CLSTN2: variants seen among roughly 807,000 people sequenced by gnomAD.
CLSTN2 encodes the protein calsyntenin 2.
CLSTN2 carries 48 observed loss-of-function variants against 101.2 expected under a neutral mutation model. That is an observed-to-expected ratio of 0.47 (90% CI 0.38 to 0.60). CLSTN2 has a LOEUF of 0.60. CLSTN2 is among the 20% of genes least tolerant of loss of function. The pLI is 0.00. For synonymous variants in CLSTN2, 481 were observed against 463.6 expected, an observed-to-expected ratio of 1.04 and a Z score of -0.48; for missense variants, 1,160 against 1,238.2, an observed-to-expected ratio of 0.94 and a Z score of 0.95.
At chr3:140,135,115 CACATATATATATATATAT>C (rs1471611157) in intron 1 of CLSTN2, among the ~76,000 whole-genome samples, 28 of 52,056 alleles carry the variant, frequency 5.4e-4, no homozygotes, top group African/African-American at 2.7e-3. Context: ...CACACACACA[CACATATATATATATATAT>C]ATATATATAT....
chr3:140,393,073 G>A (rs914705540), intron 2 of CLSTN2, among the ~76,000 whole-genome samples: 2 of 152,114 alleles, frequency 1.3e-5, no homozygotes, highest in African/African-American at 4.8e-5. Context: ...AATTAGCAGA[G>A]CCCTCCCGAC....
chr3:140,475,284 C>T (rs1281966355), intron 8 of CLSTN2, among the ~76,000 whole-genome samples: 1 of 151,984 alleles, frequency 6.6e-6, no homozygotes, highest in African/African-American at 2.4e-5. Context: ...TCAGTGTTGC[C>T]CAATGTTGAT....
chr3:140,314,774 C>T (rs1297044528), intron 2 of CLSTN2, among the ~76,000 whole-genome samples: 2 of 152,096 alleles, frequency 1.3e-5, no homozygotes, highest in Non-Finnish European at 2.9e-5. Context: ...ATGGTTCCCA[C>T]CCCTCCCTAT....
At chr3:139,947,477 C>A (rs1935231757) in intron 1 of CLSTN2, among the ~76,000 whole-genome samples, 1 of 152,136 alleles carries the variant, frequency 6.6e-6, no homozygotes, top group South Asian at 2.1e-4. Context: ...CACAAAGATG[C>A]TGGAGAGTGA....
rs2087909924 is a variant in CLSTN2, at chr3:140,375,671, G to A, written c.233-27958G>A. 1.3e-5 allele frequency among the ~76,000 whole-genome samples: 2 copies of A among 151,918 alleles called. 1 individual carries two copies. Among genetic ancestry groups the A allele is most frequent in the South Asian group, 4.2e-4 (2 of 4,804 alleles). ...TTACCCATGGCTTATATTTTATCTG[G>A]TCCTCTCATCACGTTCAACTTTTAT... On this transcript the variant is annotated intron_variant, in intron 2 of 16. Coordinates refer to ENST00000458420, the MANE Select transcript of CLSTN2 (RefSeq NM_022131.3).
At position 140,484,521 on chromosome 3, in the gene CLSTN2, G is replaced by A. The variant is rs538211300; in HGVS notation, c.1344+17790G>A. ...TTTGAATGTTGGCCTGCCTTGCTAGGTTGGGGAAGTTCTCCTGGATAATAT... is the reference window on the plus strand; with the variant it reads ...TTTGAATGTTGGCCTGCCTTGCTAGATTGGGGAAGTTCTCCTGGATAATAT... On this transcript the variant is annotated intron_variant, in intron 8 of 16. Transcript: ENST00000458420. Among the ~76,000 whole-genome samples the A allele has an allele frequency of 3.9e-3, 588 of 152,262 alleles. 3 individuals carry two copies. The highest frequency in any genetic ancestry group is 0.014 in the African/African-American group (562 of 41,532).
At chr3:140,033,098 T>C (rs1308042711) in intron 1 of CLSTN2, among the ~76,000 whole-genome samples, 2 of 152,230 alleles carry the variant, frequency 1.3e-5, no homozygotes, top group African/African-American at 2.4e-5. Context: ...ACTCGCTTCA[T>C]AGAGTTGTTG....
intron 2 of CLSTN2, among the ~76,000 whole-genome samples, chr3:140,339,034 C>A (rs532793024): frequency 6.6e-6 from 1 of 152,216 alleles, no homozygotes; most frequent in Non-Finnish European, 1.5e-5. Flanking sequence ...CGCAGTGGCT[C>A]ACCTGGGTGA....
At chr3:140,437,754 G>T (rs1246640065) in intron 5 of CLSTN2, among the ~76,000 whole-genome samples, 1 of 152,180 alleles carries the variant, frequency 6.6e-6, no homozygotes, top group African/African-American at 2.4e-5. Flanking sequence ...GGACTGCCAT[G>T]ATATTTTTAA....
chr3:140,218,688 C>G (rs1366121473), intron 2 of CLSTN2, among the ~76,000 whole-genome samples: 1 of 152,184 alleles, frequency 6.6e-6, no homozygotes, highest in Admixed American at 6.5e-5. Context: ...CTCTCAGGAA[C>G]TTTCTCCTCA....
intron 2 of CLSTN2, among the ~76,000 whole-genome samples, chr3:140,318,816 G>C (rs190541554): frequency 6.6e-6 from 1 of 152,294 alleles, no homozygotes; most frequent in East Asian, 1.9e-4. Context: ...TGTTGAGGAG[G>C]AGTCCAGAGA....
intron 1 of CLSTN2, among the ~76,000 whole-genome samples, chr3:140,022,779 G>A (rs2007345698): frequency 6.6e-6 from 1 of 152,186 alleles, no homozygotes; most frequent in African/African-American, 2.4e-5. Flanking sequence ...AGAATCTTAG[G>A]TAGTTTTATC....
intron 2 of CLSTN2, among the ~76,000 whole-genome samples, chr3:140,222,993 TG>T (rs1470187385): frequency 2.0e-5 from 3 of 152,170 alleles, no homozygotes; most frequent in Non-Finnish European, 4.4e-5. Context: ...GTTGTAGATA[TG>T]GGGAAACTGA....
intron 2 of CLSTN2, among the ~76,000 whole-genome samples, chr3:140,226,409 A>G (rs2086320491): frequency 6.6e-6 from 1 of 152,242 alleles, no homozygotes; most frequent in African/African-American, 2.4e-5. Flanking sequence ...GTATTATTTT[A>G]TACAACTGTG....
At chr3:140,042,938 G>A (rs1023953419) in intron 1 of CLSTN2, among the ~76,000 whole-genome samples, 2 of 152,162 alleles carry the variant, frequency 1.3e-5, no homozygotes, top group Non-Finnish European at 2.9e-5. Context: ...GGACATTTGG[G>A]TTGGTTCCAC....
At chr3:140,061,172 G>A (rs931431249) in intron 1 of CLSTN2, among the ~76,000 whole-genome samples, 1 of 152,174 alleles carries the variant, frequency 6.6e-6, no homozygotes, top group Non-Finnish European at 1.5e-5. Context: ...CTCAAAGTGA[G>A]CTTTTCTGAA....
Position 140,558,750 on chromosome 3 carries a change from G to C in CLSTN2, c.1934G>C (p.Arg645Thr). ...ITLRGTDHFW[R>T]PAAQFESARG... is the part of the protein sequence containing the mutation. ...CTCCGGGGCACAGACCACTTCTGGA[G>C]ACCTGCTGCCCAGTTTGAAAGTGCC... The change falls in exon 12 of 17, where the codon AGA (arginine) becomes ACA (threonine). Residue 645 changes from arginine to threonine, a missense_variant. Physicochemically the swap from Arg to Thr is moderately conservative, Grantham distance 71 (BLOSUM62 -1). Coordinates refer to ENST00000458420, the MANE Select transcript of CLSTN2 (RefSeq NM_022131.3). 1 of 1,614,116 alleles carries C rather than the reference G, an allele frequency of 6.2e-7. No homozygotes were observed. The highest frequency in any genetic ancestry group is 8.5e-7 in the Non-Finnish European group (1 of 1,179,994).
chr3:139,994,662 C>T (rs1936171195), intron 1 of CLSTN2, among the ~76,000 whole-genome samples: 2 of 152,204 alleles, frequency 1.3e-5, no homozygotes, highest in Admixed American at 1.3e-4. Context: ...TACCCCTCCA[C>T]TGCCAGCCTC....
At chr3:140,472,636 T>A (rs1933876955) in intron 8 of CLSTN2, among the ~76,000 whole-genome samples, 1 of 152,222 alleles carries the variant, frequency 6.6e-6, no homozygotes, top group African/African-American at 2.4e-5. Flanking sequence ...TGCCCTGCCC[T>A]CATTAAGACC....
Sources: gnomAD v4.1 joint callset for allele counts (sites outside exome capture counted in the v4.1 genomes callset) on GRCh38, gnomAD v4.1.1 for gene constraint, MANE v1.5 for transcripts, NCBI Gene and HGNC (gene_info 2026-07-23, HGNC 2026-07-21) for gene names.